CUL3: variants seen among roughly 807,000 people sequenced by gnomAD.
The protein encoded by CUL3 is cullin-3.
CUL3 carries 19 observed loss-of-function variants against 89.1 expected under a neutral mutation model. The ratio of observed to expected loss-of-function variants is 0.21; its 90% CI spans 0.15 to 0.31. CUL3 has a LOEUF of 0.31. CUL3 is among the 10% of genes least tolerant of loss of function. CUL3 has a pLI of 1.00. For synonymous variants in CUL3, 351 were observed against 308.4 expected, an observed-to-expected ratio of 1.14 and a Z score of -1.45; for missense variants, 469 against 942.3, an observed-to-expected ratio of 0.50 and a Z score of 6.58.
chr2:224,550,098 T>C (rs1694458314), intron 2 of CUL3, among the ~76,000 whole-genome samples: 1 of 152,196 alleles, frequency 6.6e-6, no homozygotes. Context: ...TGTGACTTCA[T>C]TTACTTCCAG....
chr2:224,573,500 G>A (rs990393568), intron 1 of CUL3, among the ~76,000 whole-genome samples: 10 of 152,034 alleles, frequency 6.6e-5, no homozygotes, highest in Non-Finnish European at 1.5e-4. Context: ...TTTATAAATG[G>A]TCCATTTACT....
At chr2:224,494,269 G>T (rs1280408320) in intron 13 of CUL3, among the ~76,000 whole-genome samples, 2 of 151,868 alleles carry the variant, frequency 1.3e-5, no homozygotes. Flanking sequence ...TTTCAATTAA[G>T]TACAAATATG....
chr2:224,545,463 T>C (rs949465118), intron 2 of CUL3, among the ~76,000 whole-genome samples: 4 of 152,164 alleles, frequency 2.6e-5, no homozygotes, highest in Non-Finnish European at 5.9e-5. Context: ...AAGCACACTA[T>C]TCTCAATTTC....
chr2:224,560,008 G>A (rs1245268408), intron 1 of CUL3, among the ~76,000 whole-genome samples: 2 of 152,060 alleles, frequency 1.3e-5, no homozygotes, highest in African/African-American at 2.4e-5. Flanking sequence ...GCTTGAGCCC[G>A]GGAGGTCGAG....
chr2:224,504,748 G>A (rs1444439087), intron 8 of CUL3, among the ~76,000 whole-genome samples: 2 of 152,196 alleles, frequency 1.3e-5, no homozygotes, highest in Non-Finnish European at 2.9e-5. Context: ...CCTTATTGCA[G>A]CTACTGCCTG....
intron 1 of CUL3, among the ~76,000 whole-genome samples, chr2:224,580,015 A>G (rs1399086031): frequency 6.6e-6 from 1 of 152,236 alleles, no homozygotes; most frequent in African/African-American, 2.4e-5. Context: ...AATCCTACAT[A>G]GTGGAACAAA....
In CUL3 at chr2:224,585,221, T is replaced by C. The variant is rs909371330; in HGVS notation, c.-212A>G. On this transcript the variant is annotated 5_prime_UTR_variant, in exon 1 of 16. Transcript: ENST00000264414. Reference sequence around the variant, plus strand: ...GCGGCTCGGACTCTGGCGACTCCGATGCGGCTGGGGGGCTGCGCTGGCGCG... The same window carrying C: ...GCGGCTCGGACTCTGGCGACTCCGACGCGGCTGGGGGGCTGCGCTGGCGCG... 1.3e-5 allele frequency: 5 copies of C among 377,064 alleles called. No individual in the cohort carries two copies. The highest frequency in any genetic ancestry group is 8.6e-5 in the African/African-American group (4 of 46,368). The allele number at this position is 377,064 out of a possible 1,614,324, so 23.4% of individuals were successfully genotyped here. A position where few individuals can be genotyped will look rare whatever the true frequency, so the allele number is the denominator to read the frequency against.
intron 2 of CUL3, among the ~76,000 whole-genome samples, chr2:224,541,350 T>C (rs1694095956): frequency 6.6e-6 from 1 of 152,140 alleles, no homozygotes; most frequent in African/African-American, 2.4e-5. Flanking sequence ...TGTTCAACAA[T>C]GTAAGTCATT....
chr2:224,511,140 G>A (rs949994947), intron 6 of CUL3, among the ~76,000 whole-genome samples: 1 of 152,078 alleles, frequency 6.6e-6, no homozygotes, highest in Non-Finnish European at 1.5e-5. Flanking sequence ...CTTAAAGACA[G>A]GAAATGCTCA....
At chr2:224,567,422 T>G (rs1270366749) in intron 1 of CUL3, among the ~76,000 whole-genome samples, 2 of 152,048 alleles carry the variant, frequency 1.3e-5, no homozygotes, top group Non-Finnish European at 2.9e-5. Flanking sequence ...GGGTCTTGCT[T>G]TGTTGCCCAG....
chr2:224,532,087 G>A lies in CUL3; in HGVS notation c.378+3441C>T, dbSNP rs1274694953. ...TTATCAACTGAATGATAGTGATTAT[G>A]AGCTCATTTGGACATGCCAAGTTTG... On this transcript the variant is annotated intron_variant, in intron 3 of 15. Transcript: ENST00000264414. 3.3e-5 allele frequency among the ~76,000 whole-genome samples: 5 copies of A among 152,190 alleles called. No homozygotes were observed. In the East Asian group the frequency reaches 9.6e-4, roughly 29 times the overall value.
At chr2:224,576,770 A>C (rs1211460300) in intron 1 of CUL3, among the ~76,000 whole-genome samples, 1 of 152,188 alleles carries the variant, frequency 6.6e-6, no homozygotes, top group Non-Finnish European at 1.5e-5. Context: ...ATGCACATTT[A>C]ACGTACATAT....
intron 1 of CUL3, among the ~76,000 whole-genome samples, chr2:224,569,094 A>T (rs1161552371): frequency 6.6e-6 from 1 of 150,576 alleles, no homozygotes; most frequent in African/African-American, 2.4e-5. Flanking sequence ...ATGTATTAAT[A>T]TATTTTTTAA....
chr2:224,517,835 T>C (rs934271569), intron 3 of CUL3, among the ~76,000 whole-genome samples: 7 of 152,308 alleles, frequency 4.6e-5, no homozygotes, highest in Admixed American at 1.3e-4. Flanking sequence ...TGTCTTAAAT[T>C]ACCTACACTT....
Position 224,585,336 on chromosome 2 carries a change from C to T in CUL3, c.-327G>A, listed in dbSNP as rs1055124990. The T allele has an allele frequency of 2.5e-6, 1 of 402,216 alleles. No homozygotes were observed. The highest frequency in any genetic ancestry group is 4.4e-6 in the Non-Finnish European group (1 of 229,286). 24.9% of individuals were successfully genotyped at this position (402,216 alleles called of 1,614,324 possible). ...GGCGGCGGCGGCGACGGACAAACAT[C>T]TCACTGCGCAGGCCGAACGTCGTCC... On this transcript the variant is annotated 5_prime_UTR_variant, in exon 1 of 16. Transcript: ENST00000264414.
intron 1 of CUL3, among the ~76,000 whole-genome samples, chr2:224,583,975 T>C (rs1271975341): frequency 6.6e-6 from 1 of 152,240 alleles, no homozygotes; most frequent in Non-Finnish European, 1.5e-5. Context: ...AGTTCGTCTG[T>C]CTTGACGTAT....
In CUL3 at chr2:224,585,047, G is replaced by T; in HGVS notation, c.-38C>A. 6.9e-7 allele frequency: 1 copy of T among 1,454,570 alleles called. No individual in the cohort carries two copies. The highest frequency in any genetic ancestry group is 9.2e-7 in the Non-Finnish European group (1 of 1,084,240). The allele number at this position is 1,454,570 out of a possible 1,614,324, so 90.1% of individuals were successfully genotyped here. The stretch of plus-strand genomic sequence containing the variant: ...CTCCCCGGCGGCGGCTTCAGGTCGC[G>T]CTCCGCGACGCCGGTGTCACATTTA... On this transcript the variant is annotated 5_prime_UTR_variant, in exon 1 of 16. Transcript: ENST00000264414.
In CUL3 at chr2:224,513,655, T is replaced by G; in HGVS notation, c.540-17A>C. 6.8e-7 allele frequency: 1 copy of G among 1,475,494 alleles called. No individual in the cohort carries two copies. The highest frequency in any genetic ancestry group is 9.2e-7 in the Non-Finnish European group (1 of 1,089,174). The allele number at this position is 1,475,494 out of a possible 1,614,324, so 91.4% of individuals were successfully genotyped here. A position where few individuals can be genotyped will look rare whatever the true frequency, so the allele number is the denominator to read the frequency against. On this transcript the variant is annotated splice_polypyrimidine_tract_variant and intron_variant, in intron 4 of 15. Coordinates refer to ENST00000264414, the MANE Select transcript of CUL3 (RefSeq NM_003590.5). ...ATTGCGCCTCTGTCGAAAAAAGTTA[T>G]TATCACTTGATAATTAAATTACATT...
chr2:224,585,121 C>A lies in CUL3; in HGVS notation c.-112G>T, dbSNP rs909412921. On this transcript the variant is annotated 5_prime_UTR_variant, in exon 1 of 16. Transcript: ENST00000264414. Reference sequence around the variant, plus strand: ...GACGCTGGGGGCGGCGGCGGCGCGACCCCCGGGCAGGGCTGGGGAGCTGGC... The same window carrying A: ...GACGCTGGGGGCGGCGGCGGCGCGAACCCCGGGCAGGGCTGGGGAGCTGGC... 1 of 802,606 alleles carries A rather than the reference C, an allele frequency of 1.2e-6. No individual in the cohort carries two copies. The highest frequency in any genetic ancestry group is 1.7e-6 in the Non-Finnish European group (1 of 594,996). The allele number at this position is 802,606 out of a possible 1,614,324, so 49.7% of individuals were successfully genotyped here. A position where few individuals can be genotyped will look rare whatever the true frequency, so the allele number is the denominator to read the frequency against.
Sources: allele counts gnomAD v4.1 joint callset (sites outside exome capture counted in the v4.1 genomes callset), GRCh38; gene constraint gnomAD v4.1.1; transcripts MANE v1.5; gene names NCBI Gene and HGNC (gene_info 2026-07-23, HGNC 2026-07-21).